Variants in CBR4 observed in about 807,000 individuals in gnomAD.
CBR4 encodes 3-oxoacyl-[acyl-carrier-protein] reductase.
In CBR4, 22 loss-of-function variants were observed where a neutral mutation model predicts 21.0. The ratio of observed to expected loss-of-function variants is 1.05; its 90% CI spans 0.75 to 1.50. The LOEUF is 1.50. Ranked by LOEUF, CBR4 falls within the 40% of genes most tolerant of loss-of-function variation. The pLI, the probability that CBR4 is intolerant of heterozygous loss-of-function variation, is 0.00. For missense variants in CBR4, 302 were observed against 286.3 expected, an observed-to-expected ratio of 1.05 and a Z score of -0.40; for synonymous variants, 100 against 104.4, an observed-to-expected ratio of 0.96 and a Z score of 0.26.
Position 168,989,727 on chromosome 4 carries a change from T to C in CBR4, c.*423A>G, listed in dbSNP as rs1375942096. The C allele has an allele frequency of 2.0e-6, 2 of 978,924 alleles. No homozygotes were observed. The highest frequency in any genetic ancestry group is 2.4e-6 in the Non-Finnish European group (2 of 823,988). The allele number at this position is 978,924 out of a possible 1,614,324, so 60.6% of individuals were successfully genotyped here. A position where few individuals can be genotyped will look rare whatever the true frequency, so the allele number is the denominator to read the frequency against. ...GAGACAAAATATATAAATCAATACT[T>C]GTTTATATGACTTGCAAAATGTCTA... On this transcript the variant is annotated 3_prime_UTR_variant, in exon 5 of 5. Transcript: ENST00000306193.
At chr4:168,960,826 C>T (rs1763828986) in intron 2 of CBR4, among the ~76,000 whole-genome samples, 1 of 152,190 alleles carries the variant, frequency 6.6e-6, no homozygotes. Flanking sequence ...CCAAAATGAG[C>T]ATGTTTCCTG....
chr4:168,933,151 A>C (rs1763014244), intron 2 of CBR4, among the ~76,000 whole-genome samples: 1 of 152,206 alleles, frequency 6.6e-6, no homozygotes, highest in African/African-American at 2.4e-5. Flanking sequence ...ACAAGAGTTA[A>C]GTCCTCACCT....
At chr4:168,961,851 T>C (rs973533206) in intron 2 of CBR4, among the ~76,000 whole-genome samples, 1 of 151,278 alleles carries the variant, frequency 6.6e-6, no homozygotes, top group African/African-American at 2.4e-5. Flanking sequence ...GATCGTGCCA[T>C]TGCACTCCAG....
intron 2 of CBR4, among the ~76,000 whole-genome samples, chr4:168,906,070 CTGTT>C: frequency 6.6e-6 from 1 of 152,144 alleles, no homozygotes; most frequent in East Asian, 1.9e-4. Flanking sequence ...AGTTTTCTGC[CTGTT>C]TAAGAAAATG....
At chr4:168,993,794 T>C (rs548497940) in intron 4 of CBR4, among the ~76,000 whole-genome samples, 31 of 152,266 alleles carry the variant, frequency 2.0e-4, no homozygotes, top group South Asian at 4.1e-4. Flanking sequence ...TAGAAATGGT[T>C]TGCAAGAAAG....
chr4:168,971,928 A>G lies in CBR4; in HGVS notation n.169+30143T>C, dbSNP rs113053141. 9.6e-4 allele frequency among the ~76,000 whole-genome samples: 146 copies of G among 152,172 alleles called. 1 individual carries two copies. The highest frequency in any genetic ancestry group is 3.4e-3 in the African/African-American group (141 of 41,524). On this transcript the variant is annotated intron_variant and non_coding_transcript_variant, in intron 2 of 3. Transcript: ENST00000509108. ...GAACTTTTATGGTTTTGGGTCTTAG[A>G]TTTAAGTCTTTGATTCATCTTGAAT...
chr4:168,900,203 T>C (rs1475700705), intron 2 of CBR4, among the ~76,000 whole-genome samples: 1 of 152,204 alleles, frequency 6.6e-6, no homozygotes, highest in East Asian at 1.9e-4. Context: ...ATCCACCCCA[T>C]GATCCCGTCA....
chr4:168,929,775 T>C (rs762509079), intron 2 of CBR4, among the ~76,000 whole-genome samples: 2 of 152,192 alleles, frequency 1.3e-5, no homozygotes, highest in Non-Finnish European at 2.9e-5. Flanking sequence ...CCCCTCTCTT[T>C]GTGCTGCTGT....
chr4:169,006,190 G>T (rs899507136), intron 3 of CBR4, among the ~76,000 whole-genome samples: 1 of 152,082 alleles, frequency 6.6e-6, no homozygotes, highest in Non-Finnish European at 1.5e-5. Context: ...AGCCACCACT[G>T]TCTACTTTAA....
Position 168,989,209 on chromosome 4 carries a change from T to C in CBR4, c.*941A>G. On this transcript the variant is annotated 3_prime_UTR_variant, in exon 5 of 5. Coordinates refer to ENST00000306193, the MANE Select transcript of CBR4 (RefSeq NM_032783.5). ...CATAATCACTAATGCAAAATACTCT[T>C]AATTTTTTAAATGTTGTATTTCTCG... 2.1e-6 allele frequency: 2 copies of C among 972,740 alleles called. No individual in the cohort carries two copies. Among genetic ancestry groups the C allele is most frequent in the African/African-American group, 1.8e-5 (1 of 57,100 alleles). 60.3% of individuals were successfully genotyped at this position (972,740 alleles called of 1,614,324 possible).
At chr4:168,999,340 T>G (rs542350584) in intron 4 of CBR4, among the ~76,000 whole-genome samples, 1 of 152,278 alleles carries the variant, frequency 6.6e-6, no homozygotes, top group East Asian at 1.9e-4. Flanking sequence ...ACAAGATCTG[T>G]TGAAGAATCT....
intron 1 of CBR4, among the ~76,000 whole-genome samples, chr4:169,009,295 G>T (rs993998637): frequency 6.6e-6 from 1 of 152,106 alleles, no homozygotes; most frequent in East Asian, 1.9e-4. Flanking sequence ...AAAAAACCCT[G>T]AAGTTTAAAT....
At chr4:168,932,982 CAAATG>C (rs1432765213) in intron 2 of CBR4, among the ~76,000 whole-genome samples, 2 of 151,692 alleles carry the variant, frequency 1.3e-5, no homozygotes, top group Non-Finnish European at 2.9e-5. Flanking sequence ...ATGATGAAAA[CAAATG>C]AAATTATAAA....
chr4:168,924,208 C>T, intron 2 of CBR4: 3 of 1,529,608 alleles, frequency 2.0e-6, no homozygotes, highest in Non-Finnish European at 2.7e-6. Flanking sequence ...CTTTCTAGTG[C>T]TCCTTTTGTA....
intron 2 of CBR4, among the ~76,000 whole-genome samples, chr4:168,940,630 A>G (rs1485621633): frequency 1.3e-5 from 2 of 152,244 alleles, no homozygotes; most frequent in Non-Finnish European, 2.9e-5. Flanking sequence ...GAAGAATATG[A>G]ACAGACACTT....
intron 2 of CBR4, among the ~76,000 whole-genome samples, chr4:168,961,059 G>T (rs1763835818): frequency 1.3e-5 from 2 of 152,294 alleles, no homozygotes; most frequent in South Asian, 4.1e-4. Context: ...ATTACAAGAC[G>T]GTGGTTATGG....
At position 168,968,602 on chromosome 4, in the gene CBR4, A is replaced by G. The variant is rs138608314; in HGVS notation, n.169+33469T>C. 5.3e-3 allele frequency among the ~76,000 whole-genome samples: 804 copies of G among 152,340 alleles called. 3 individuals are homozygous for G. The highest frequency in any genetic ancestry group is 0.034 in the Middle Eastern group (10 of 294). On this transcript the variant is annotated intron_variant and non_coding_transcript_variant, in intron 2 of 3. Coordinates refer to the CBR4 transcript ENST00000509108. Reference sequence around the variant, plus strand: ...ATCTAGTCAAGATACCGTTTCTGGTATAGCAGCTGTGGCCAGGAAATTGCT... The same window carrying G: ...ATCTAGTCAAGATACCGTTTCTGGTGTAGCAGCTGTGGCCAGGAAATTGCT...
chr4:168,998,507 A>G (rs1387537669), intron 4 of CBR4, among the ~76,000 whole-genome samples: 1 of 152,182 alleles, frequency 6.6e-6, no homozygotes, highest in Admixed American at 6.5e-5. Flanking sequence ...AAAGTAGTTT[A>G]GTGTACTGGG....
At chr4:168,898,957 C>T (rs1755854861) in intron 2 of CBR4, among the ~76,000 whole-genome samples, 1 of 152,182 alleles carries the variant, frequency 6.6e-6, no homozygotes, top group South Asian at 2.1e-4. Context: ...GAGCTCTTCA[C>T]ACACCTATAT....
Sources: gnomAD v4.1 joint callset for allele counts (sites outside exome capture counted in the v4.1 genomes callset) on GRCh38, gnomAD v4.1.1 for gene constraint, MANE v1.5 for transcripts, NCBI Gene and HGNC (gene_info 2026-07-23, HGNC 2026-07-21) for gene names.